MTCL1: variants seen among roughly 807,000 people sequenced by gnomAD.
The protein encoded by MTCL1 is microtubule cross-linking factor 1.
Under a neutral mutation model 141.4 loss-of-function variants are expected in MTCL1, and 79 were observed. That is an observed-to-expected ratio of 0.56 (90% CI 0.47 to 0.67). The LOEUF (loss-of-function observed/expected upper bound fraction) is 0.67. MTCL1 is among the 30% of genes least tolerant of loss of function. The probability of loss-of-function intolerance (pLI) is 0.00; values close to 1 mark genes in which losing one functional copy is unlikely to be tolerated. For missense variants in MTCL1, 2,177 were observed against 2,113.9 expected (o/e 1.03, Z -0.59); for synonymous variants, 914 against 875.8 (o/e 1.04, Z -0.77).
upstream of MTCL1, among the ~76,000 whole-genome samples, chr18:8,715,233 T>C (rs116472507): frequency 3.6e-3 from 547 of 152,330 alleles, 2 homozygotes; most frequent in African/African-American, 0.012. Flanking sequence ...CTGTAACATC[T>C]GTATGAAAAT....
chr18:8,831,746 C>T (rs1435392038), exon 17 of MTCL1: 11 of 1,550,406 alleles, frequency 7.1e-6, no homozygotes, highest in African/African-American at 1.4e-5. Flanking sequence ...GGAGACCCGA[C>T]GTCCTTGGAG....
chr18:8,784,054 C>G (rs562706107), exon 6 of MTCL1: 15 of 1,613,292 alleles, frequency 9.3e-6, no homozygotes, highest in Non-Finnish European at 1.3e-5. Flanking sequence ...TTGAGCCTCC[C>G]CGGGAGCCGG....
intron 4 of MTCL1, among the ~76,000 whole-genome samples, chr18:8,775,386 C>T (rs1386091681): frequency 1.4e-5 from 2 of 145,786 alleles, no homozygotes; most frequent in African/African-American, 5.2e-5. Flanking sequence ...GCCTGGCCAA[C>T]ATGGTGAAAC....
At chr18:8,766,527 C>G (rs773034041) in intron 4 of MTCL1, among the ~76,000 whole-genome samples, 20 of 152,196 alleles carry the variant, frequency 1.3e-4, no homozygotes, top group Non-Finnish European at 2.5e-4. Flanking sequence ...TCCTGCTTTT[C>G]AACATTGTCT....
intron 4 of MTCL1, among the ~76,000 whole-genome samples, chr18:8,740,719 G>T (rs911518544): frequency 1.3e-5 from 2 of 152,172 alleles, no homozygotes; most frequent in Non-Finnish European, 2.9e-5. Context: ...CTGACTTAAG[G>T]TGATCTGCCT....
At chr18:8,770,332 C>T (rs1298582216) in intron 4 of MTCL1, among the ~76,000 whole-genome samples, 1 of 152,196 alleles carries the variant, frequency 6.6e-6, no homozygotes, top group African/African-American at 2.4e-5. Context: ...GCTTGGGCTG[C>T]TGTAACAAAA....
chr18:8,761,035 G>C (rs2096429669), intron 4 of MTCL1, among the ~76,000 whole-genome samples: 1 of 152,112 alleles, frequency 6.6e-6, no homozygotes, highest in African/African-American at 2.4e-5. Context: ...AAGGTCTTTG[G>C]AGAAAAAACT....
At chr18:8,727,218 T>C (rs984516534) in intron 4 of MTCL1, among the ~76,000 whole-genome samples, 1 of 152,212 alleles carries the variant, frequency 6.6e-6, no homozygotes, top group Non-Finnish European at 1.5e-5. Flanking sequence ...GATACTTAGG[T>C]TGATTCCATG....
At chr18:8,772,318 G>A (rs990762441) in intron 4 of MTCL1, among the ~76,000 whole-genome samples, 1 of 152,148 alleles carries the variant, frequency 6.6e-6, no homozygotes, top group Non-Finnish European at 1.5e-5. Context: ...CCAAGAAATC[G>A]GTGAATAACT....
chr18:8,795,141 G>A (rs182665393), intron 8 of MTCL1, among the ~76,000 whole-genome samples: 202 of 152,356 alleles, frequency 1.3e-3, no homozygotes, highest in African/African-American at 4.6e-3. Flanking sequence ...GAGCGGCCAC[G>A]CAAGTCGTTG....
At chr18:8,744,567 C>G (rs138130713) in intron 4 of MTCL1, among the ~76,000 whole-genome samples, 1 of 152,006 alleles carries the variant, frequency 6.6e-6, no homozygotes, top group African/African-American at 2.4e-5. Context: ...TGACTACGTC[C>G]CATATTTTTT....
rs1344239251 is a variant in MTCL1 at position 8,784,025 on chromosome 18, G to A, written c.913G>A (p.Glu305Lys). The change falls in exon 6 of 17, where the codon GAG becomes AAG. Residue 305 changes from glutamate (E) to lysine (K), a missense_variant. Transcript: ENST00000359865. Reference sequence around the variant, plus strand: ...AGACCACAACCGGCAACTGACCCACGAGCTCAGCAAGTTTAAGTTTGAGCC... The same window carrying A: ...AGACCACAACCGGCAACTGACCCACAAGCTCAGCAAGTTTAAGTTTGAGCC... The A allele has an allele frequency of 2.2e-5, 36 of 1,613,496 alleles. No homozygotes were observed. Among genetic ancestry groups the A allele is most frequent in the Non-Finnish European group, 3.0e-5 (35 of 1,180,028 alleles).
chr18:8,774,277 T>TGTGTGTGTA (rs1260605558), intron 4 of MTCL1, among the ~76,000 whole-genome samples: 3 of 151,362 alleles, frequency 2.0e-5, no homozygotes, highest in Admixed American at 6.6e-5. Flanking sequence ...TGTGTGTGTA[T>TGTGTGTGTA]TTTTTTTTAA....
intron 4 of MTCL1, among the ~76,000 whole-genome samples, chr18:8,736,348 T>G (rs7235989): frequency 0.42 from 64,509 of 151,962 alleles, 13,967 homozygotes; most frequent in East Asian, 0.47. Context: ...GAAACTATAT[T>G]AAGTCAAAAA....
At chr18:8,714,667 C>T (rs115240649), upstream of MTCL1, among the ~76,000 whole-genome samples, 55 of 152,152 alleles carry the variant, frequency 3.6e-4, no homozygotes, top group African/African-American at 9.7e-4. Context: ...AGGAGAAACC[C>T]GCCCCCGTGA....
intron 4 of MTCL1, among the ~76,000 whole-genome samples, chr18:8,760,146 G>A (rs2096423725): frequency 6.6e-6 from 1 of 152,204 alleles, no homozygotes; most frequent in Admixed American, 6.5e-5. Context: ...CGCGAGAGCG[G>A]TCAGCAGGAG....
chr18:8,740,608 A>T (rs2096297365), intron 4 of MTCL1, among the ~76,000 whole-genome samples: 1 of 152,032 alleles, frequency 6.6e-6, no homozygotes, highest in African/African-American at 2.4e-5. Context: ...TCAGCCTCCC[A>T]AGTAGCTGGA....
chr18:8,714,892 GT>G (rs2096117934), upstream of MTCL1, among the ~76,000 whole-genome samples: 1 of 152,016 alleles, frequency 6.6e-6, no homozygotes, highest in Non-Finnish European at 1.5e-5. Context: ...CACCTCCCGG[GT>G]TCACGCCATT....
At chr18:8,819,877 C>T (rs1021966161) in intron 13 of MTCL1, among the ~76,000 whole-genome samples, 2 of 152,130 alleles carry the variant, frequency 1.3e-5, no homozygotes, top group Non-Finnish European at 2.9e-5. Context: ...TCCCAAAGTG[C>T]CGGGATTACA....
Sources: allele counts gnomAD v4.1 joint callset (sites outside exome capture counted in the v4.1 genomes callset), GRCh38; gene constraint gnomAD v4.1.1; transcripts MANE v1.5; gene names NCBI Gene and HGNC (gene_info 2026-07-23, HGNC 2026-07-21).